The following SERPINA12 variants were observed in gnomAD, a reference collection of about 807,000 sequenced individuals.
SERPINA12 encodes serpin family A member 12, also known as serpin A12.
A neutral mutation model predicts 25.9 loss-of-function variants in SERPINA12; 21 were observed. The ratio of observed to expected loss-of-function variants is 0.81; its 90% confidence interval spans 0.58 to 1.17. SERPINA12 has a LOEUF of 1.17. Ranked by LOEUF, SERPINA12 falls within the 50% of genes most tolerant of loss-of-function variation. SERPINA12 has a pLI of 0.00. For missense variants in SERPINA12, 562 were observed against 508.3 expected (o/e 1.11, Z -1.02); for synonymous variants, 220 against 196.0 (o/e 1.12, Z -1.02).
chr14:94,505,874 C>G (rs1900913338), intron 1 of SERPINA12, among the ~76,000 whole-genome samples: 1 of 152,226 alleles, frequency 6.6e-6, no homozygotes, highest in Non-Finnish European at 1.5e-5. Context: ...AGGGTAGCCA[C>G]AGGTGGGCTG....
chr14:94,488,979 C>A (rs147160925), intron 4 of SERPINA12, among the ~76,000 whole-genome samples: 4,576 of 152,140 alleles, frequency 0.03, 214 homozygotes, highest in African/African-American at 0.1. Context: ...CGCCTGTAAT[C>A]CCAGCTACTC....
intron 1 of SERPINA12, among the ~76,000 whole-genome samples, chr14:94,517,161 T>C (rs17090992): frequency 0.074 from 11,289 of 152,122 alleles, 501 homozygotes; most frequent in African/African-American, 0.11. Flanking sequence ...ACTTCCTCAC[T>C]CTATCACAGG....
chr14:94,504,506 C>T (rs1900863612), intron 1 of SERPINA12, among the ~76,000 whole-genome samples: 1 of 152,252 alleles, frequency 6.6e-6, no homozygotes, highest in Admixed American at 6.5e-5. Context: ...CCCATGGGAA[C>T]AGGTTGATAA....
upstream of SERPINA12, chr14:94,509,937 C>T (rs1901065165): frequency 2.0e-6 from 2 of 978,428 alleles, no homozygotes; most frequent in Non-Finnish European, 2.4e-6. Flanking sequence ...CCTGGCACTG[C>T]TATAGAATAC....
At chr14:94,506,706 G>A (rs1186674852) in intron 1 of SERPINA12, among the ~76,000 whole-genome samples, 1 of 152,190 alleles carries the variant, frequency 6.6e-6, no homozygotes, top group African/African-American at 2.4e-5. Flanking sequence ...TCATCCAGGA[G>A]CTTTAGAAAT....
At chr14:94,489,872 G>T (rs961023332) in intron 3 of SERPINA12, 105 bp from the exon 4 acceptor site, 8 of 1,150,440 alleles carry the variant, frequency 7.0e-6, no homozygotes, top group Non-Finnish European at 8.8e-6. Flanking sequence ...AGCCCCAAAG[G>T]TCTCCAATCT....
chr14:94,503,246 TAAAC>T (rs772876137), intron 1 of SERPINA12: 140 of 984,982 alleles, frequency 1.4e-4, no homozygotes, highest in Non-Finnish European at 1.5e-4. Flanking sequence ...AGAAGCCCCA[TAAAC>T]AAACTCTGAT....
chr14:94,489,195 G>T (rs1016203387), intron 4 of SERPINA12, among the ~76,000 whole-genome samples: 1 of 145,806 alleles, frequency 6.9e-6, no homozygotes, highest in African/African-American at 2.5e-5. Flanking sequence ...GACAGAGAAA[G>T]AAAAAGAAAG....
At chr14:94,517,483 G>A (rs1901264947) in exon 1 of SERPINA12, 1 of 152,274 alleles carries the variant, frequency 6.6e-6, no homozygotes, top group South Asian at 2.1e-4. Flanking sequence ...GTCAGAGGGA[G>A]TGATACTGAT....
At chr14:94,515,331 A>G in intron 2 of SERPINA12, among the ~76,000 whole-genome samples, 1 of 152,100 alleles carries the variant, frequency 6.6e-6, no homozygotes, top group East Asian at 1.9e-4. Context: ...GGCTTCCTGG[A>G]GAAGGTGGCC....
rs200929043 is a variant in SERPINA12, at chr14:94,487,327, C to A, written c.1221G>T (p.Lys407Asn). ...TTTATTTTCCAATAGGGTTAACAATCTTTCCCAGGAAGAGCACGGAAGGTA... is the reference window on the plus strand; with the variant it reads ...TTTATTTTCCAATAGGGTTAACAATATTTCCCAGGAAGAGCACGGAAGGTA... ...EKIPSVLFLG[K>N]IVNPIGK The change falls in exon 5 of 5, where the codon AAG (lysine) becomes AAT (asparagine). Residue 407 changes from lysine to asparagine, a missense_variant. Coordinates refer to ENST00000677451, the MANE Select transcript of SERPINA12 (RefSeq NM_001382267.1). 3.2e-5 allele frequency: 51 copies of A among 1,613,808 alleles called. No homozygotes were observed. The highest frequency in any genetic ancestry group is 4.2e-5 in the Non-Finnish European group (50 of 1,179,932).
intron 1 of SERPINA12, among the ~76,000 whole-genome samples, chr14:94,506,682 G>A (rs897310829): frequency 1.1e-4 from 16 of 152,114 alleles, no homozygotes; most frequent in African/African-American, 3.6e-4. Flanking sequence ...TTCCATCCTG[G>A]GAGTGCATTA....
intron 4 of SERPINA12, among the ~76,000 whole-genome samples, chr14:94,489,036 G>T (rs1052395702): frequency 2.0e-5 from 3 of 152,028 alleles, no homozygotes; most frequent in Non-Finnish European, 4.4e-5. Context: ...GGTGGAGGTT[G>T]CAGTGAGCTG....
intron 1 of SERPINA12, among the ~76,000 whole-genome samples, chr14:94,502,024 A>ATGTGTGTGTG (rs10626991): frequency 1.4e-4 from 20 of 144,602 alleles, no homozygotes; most frequent in African/African-American, 4.8e-4. Context: ...TTAGTTTGGA[A>ATGTGTGTGTG]TGTGTGTGTG....
chr14:94,494,848 C>T (rs1452578323), intron 3 of SERPINA12, among the ~76,000 whole-genome samples: 1 of 152,118 alleles, frequency 6.6e-6, no homozygotes, highest in African/African-American at 2.4e-5. Context: ...GATGAGAAGA[C>T]CAGGTCTCAG....
Position 94,496,361 on chromosome 14 carries a change from C to T in SERPINA12, c.905+12G>A. The T allele has an allele frequency of 6.2e-7, 1 of 1,614,006 alleles. No individual in the cohort carries two copies. The stretch of plus-strand genomic sequence containing the variant: ...GAAGGAAAAAGCTGCGAGGGCTAGG[C>T]ACCCACTTTACCTGCGTGACAGTAA... On this transcript the variant is annotated intron_variant, in intron 3 of 4. Transcript: ENST00000677451.
chr14:94,503,276 C>T (rs547671941), intron 1 of SERPINA12: 3 of 985,184 alleles, frequency 3.0e-6, no homozygotes, highest in South Asian at 4.7e-5. Context: ...CAGCAATATA[C>T]TTTCTCCTCC....
chr14:94,498,257 C>A lies in SERPINA12; in HGVS notation c.141G>T (p.Glu47Asp). The change falls in exon 2 of 5, where the codon GAG (glutamate) becomes GAT (aspartate). Residue 47 changes from glutamate (E) to aspartate (D), a missense_variant. Coordinates refer to ENST00000677451, the MANE Select transcript of SERPINA12 (RefSeq NM_001382267.1). Reference sequence around the variant, plus strand: ...CTAAGTCCATGTTCTGCCTTGCAAGCTCCTTGGCTGCCATCCTTTGCTTCC... The same window carrying A: ...CTAAGTCCATGTTCTGCCTTGCAAGATCCTTGGCTGCCATCCTTTGCTTCC... The part of the protein sequence containing the change: ...QGWKQRMAAK[E>D]LARQNMDLGF... The A allele has an allele frequency of 6.2e-7, 1 of 1,614,224 alleles. No individual in the cohort carries two copies. Among genetic ancestry groups the A allele is most frequent in the East Asian group, 2.2e-5 (1 of 44,880 alleles).
intron 1 of SERPINA12, among the ~76,000 whole-genome samples, chr14:94,505,576 G>A (rs988278060): frequency 1.5e-4 from 23 of 152,192 alleles, no homozygotes; most frequent in Non-Finnish European, 1.2e-4. Context: ...TGTGACTGTA[G>A]AGGCTATAGT....
Sources: allele counts gnomAD v4.1 joint callset (sites outside exome capture counted in the v4.1 genomes callset), GRCh38; gene constraint gnomAD v4.1.1; transcripts MANE v1.5; gene names NCBI Gene and HGNC (gene_info 2026-07-23, HGNC 2026-07-21).